RALGAPA1: variants seen among roughly 807,000 people sequenced by gnomAD.
RALGAPA1 encodes the protein ral GTPase-activating protein subunit alpha-1.
RALGAPA1 carries 52 observed loss-of-function variants against 269.6 expected under a neutral mutation model. That is an observed-to-expected ratio of 0.19 (90% CI 0.15 to 0.24). RALGAPA1 has a LOEUF of 0.24. Ranked by LOEUF, RALGAPA1 falls within the 10% of genes least tolerant of loss-of-function variation. The pLI is 1.00. For missense variants in RALGAPA1, 1,917 were observed against 3,013.9 expected (o/e 0.64, Z 8.52); for synonymous variants, 817 against 1,008.3 (o/e 0.81, Z 3.60).
At chr14:35,681,855 T>G (rs952040959) in intron 21 of RALGAPA1, among the ~76,000 whole-genome samples, 3 of 152,168 alleles carry the variant, frequency 2.0e-5, no homozygotes, top group Non-Finnish European at 2.9e-5. Context: ...GTCACTACAG[T>G]TTTTTCTTTT....
At chr14:35,634,289 A>G (rs1311135758) in intron 33 of RALGAPA1, among the ~76,000 whole-genome samples, 1 of 152,196 alleles carries the variant, frequency 6.6e-6, no homozygotes, top group Non-Finnish European at 1.5e-5. Flanking sequence ...GTATAATGCA[A>G]ATATTCCAAA....
chr14:35,561,012 G>A (rs1279603826), intron 39 of RALGAPA1, among the ~76,000 whole-genome samples: 2 of 151,702 alleles, frequency 1.3e-5, no homozygotes, highest in Admixed American at 6.6e-5. Flanking sequence ...GATGGATCAC[G>A]AGGTCAGGAG....
Position 35,570,129 on chromosome 14 carries a change from G to A in RALGAPA1, c.7496+488C>T, listed in dbSNP as rs532721729. On this transcript the variant is annotated intron_variant, in intron 39 of 41. Transcript: ENST00000680220. ...TACTAAAAATACAAAAATTAGCTGGGTGTGGTGGTGGATGCCTGTAATCCC... is the reference window on the plus strand; with the variant it reads ...TACTAAAAATACAAAAATTAGCTGGATGTGGTGGTGGATGCCTGTAATCCC... Among the ~76,000 whole-genome samples, 7 of 152,074 alleles carry A rather than the reference G, an allele frequency of 4.6e-5. 1 individual carries two copies. Among genetic ancestry groups the A allele is most frequent in the African/African-American group, 1.7e-4 (7 of 41,490 alleles).
intron 33 of RALGAPA1, among the ~76,000 whole-genome samples, chr14:35,630,867 G>C (rs565914052): frequency 6.6e-6 from 1 of 152,004 alleles, no homozygotes; most frequent in South Asian, 2.1e-4. Context: ...GTGAGGCTCT[G>C]TCTTAAAAAA....
At chr14:35,734,504 T>C (rs1318491529) in intron 12 of RALGAPA1, among the ~76,000 whole-genome samples, 1 of 152,218 alleles carries the variant, frequency 6.6e-6, no homozygotes, top group Non-Finnish European at 1.5e-5. Flanking sequence ...TAGCCACATG[T>C]AGCAGAACAA....
intron 39 of RALGAPA1, among the ~76,000 whole-genome samples, chr14:35,559,737 G>A (rs997522923): frequency 3.9e-5 from 6 of 152,134 alleles, no homozygotes; most frequent in East Asian, 1.9e-4. Flanking sequence ...TATTTTTGTC[G>A]TTGTTGCCAT....
chr14:35,698,065 CAGATAT>C (rs1157166505), intron 17 of RALGAPA1, among the ~76,000 whole-genome samples: 1 of 152,064 alleles, frequency 6.6e-6, no homozygotes, highest in Non-Finnish European at 1.5e-5. Context: ...TTTTGATAAT[CAGATAT>C]AAAGTTTGTT....
At position 35,713,372 on chromosome 14, in the gene RALGAPA1, A is replaced by G. The variant is rs146734935; in HGVS notation, c.2266+8316T>C. On this transcript the variant is annotated intron_variant, in intron 16 of 41. Coordinates refer to ENST00000680220, the MANE Select transcript of RALGAPA1 (RefSeq NM_001346249.2). ...AACTCCCAGACTTCTAGCTTGAGCAACTTGGTTATTCTCTATCCCCACTGT... is the reference window on the plus strand; with the variant it reads ...AACTCCCAGACTTCTAGCTTGAGCAGCTTGGTTATTCTCTATCCCCACTGT... Among the ~76,000 whole-genome samples the G allele has an allele frequency of 7.2e-5, 11 of 152,330 alleles. No individual in the cohort carries two copies. In the East Asian group the frequency reaches 2.1e-3, roughly 29 times the overall value.
intron 39 of RALGAPA1, among the ~76,000 whole-genome samples, chr14:35,550,653 A>G (rs574566391): frequency 2.0e-5 from 3 of 152,300 alleles, no homozygotes; most frequent in African/African-American, 7.2e-5. Context: ...TTCATTATGC[A>G]CTTGACTTTG....
chr14:35,704,568 C>T (rs1331528022), intron 16 of RALGAPA1, among the ~76,000 whole-genome samples: 1 of 152,038 alleles, frequency 6.6e-6, no homozygotes, highest in Admixed American at 6.6e-5. Flanking sequence ...TAGAAAGCAA[C>T]CAGTAAAATA....
At chr14:35,645,765 T>C (rs911256584) in intron 31 of RALGAPA1, among the ~76,000 whole-genome samples, 1 of 150,040 alleles carries the variant, frequency 6.7e-6, no homozygotes, top group African/African-American at 2.5e-5. Context: ...CCAGTAGCAA[T>C]GTGCATGCCT....
At chr14:35,686,890 CA>C (rs1437360416) in intron 18 of RALGAPA1, among the ~76,000 whole-genome samples, 1 of 152,188 alleles carries the variant, frequency 6.6e-6, no homozygotes, top group Non-Finnish European at 1.5e-5. Flanking sequence ...TAACTTTAAA[CA>C]GCAAGAAAGC....
intron 1 of RALGAPA1, among the ~76,000 whole-genome samples, chr14:35,797,805 A>G (rs946232646): frequency 6.7e-6 from 1 of 149,714 alleles, no homozygotes; most frequent in African/African-American, 2.5e-5. Context: ...AGATCCTACC[A>G]TTGCACTCTG....
At chr14:35,569,201 T>G (rs1002559984) in intron 39 of RALGAPA1, among the ~76,000 whole-genome samples, 1 of 152,194 alleles carries the variant, frequency 6.6e-6, no homozygotes, top group African/African-American at 2.4e-5. Context: ...AACTACCAAG[T>G]TAAGATAATA....
At position 35,681,983 on chromosome 14, in the gene RALGAPA1, TTC is replaced by T. The variant is rs377162311; in HGVS notation, c.4471+1824_4471+1825del. Among the ~76,000 whole-genome samples, 136 of 152,320 alleles carry T rather than the reference TTC, an allele frequency of 8.9e-4. 2 individuals are homozygous for T. The South Asian group carries it at 0.027, about 30-fold the overall frequency. On this transcript the variant is annotated intron_variant, in intron 21 of 41. Transcript: ENST00000680220. ...TGTTTTTGCATATATTAATATTTAA[TTC>T]TGTTTCATTACTGAGTATTATTTCA...
chr14:35,757,366 C>T (rs1221932167), intron 6 of RALGAPA1, among the ~76,000 whole-genome samples: 6 of 151,874 alleles, frequency 4.0e-5, no homozygotes, highest in Non-Finnish European at 5.9e-5. Context: ...GTGATCTGCC[C>T]GCCTCGGCCT....
chr14:35,604,539 A>T (rs1468484723), intron 36 of RALGAPA1, among the ~76,000 whole-genome samples: 2 of 151,976 alleles, frequency 1.3e-5, no homozygotes, highest in Non-Finnish European at 2.9e-5. Context: ...GAATTAAAAA[A>T]AAAAATCACT....
chr14:35,750,329 C>T (rs1258651795), intron 9 of RALGAPA1, among the ~76,000 whole-genome samples, 153 bp downstream of exon 9: 1 of 152,054 alleles, frequency 6.6e-6, no homozygotes, highest in Non-Finnish European at 1.5e-5. Context: ...CTTATTAATT[C>T]TATAATTAAA....
chr14:35,730,684 T>C (rs1209137993), intron 12 of RALGAPA1, among the ~76,000 whole-genome samples: 1 of 152,122 alleles, frequency 6.6e-6, no homozygotes, highest in Non-Finnish European at 1.5e-5. Flanking sequence ...CACAACTCCA[T>C]TGACCTGGGA....
Sources: allele counts gnomAD v4.1 joint callset (sites outside exome capture counted in the v4.1 genomes callset), GRCh38; gene constraint gnomAD v4.1.1; transcripts MANE v1.5; gene names NCBI Gene and HGNC (gene_info 2026-07-23, HGNC 2026-07-21).